TGFBRAP1: variants seen among roughly 807,000 people sequenced by gnomAD.
TGFBRAP1 encodes the protein transforming growth factor beta receptor associated protein 1.
A neutral mutation model predicts 83.2 loss-of-function variants in TGFBRAP1; 20 were observed. The observed-to-expected ratio is 0.24, with a 90% CI of 0.17 to 0.35. The LOEUF (loss-of-function observed/expected upper bound fraction) is 0.35, where lower values mean the gene tolerates loss of function less well. Among genes scored for constraint, TGFBRAP1 ranks in the 10% least tolerant of loss-of-function variants. TGFBRAP1 has a pLI of 1.00. For synonymous variants in TGFBRAP1, 415 were observed against 459.8 expected, an observed-to-expected ratio of 0.90 and a Z score of 1.25; for missense variants, 950 against 1,099.4, an observed-to-expected ratio of 0.86 and a Z score of 1.92.
At chr2:105,303,555 T>C (rs929354730) in intron 2 of TGFBRAP1, among the ~76,000 whole-genome samples, 1 of 152,198 alleles carries the variant, frequency 6.6e-6, no homozygotes, top group African/African-American at 2.4e-5. Flanking sequence ...GCACATCACA[T>C]ACATTTGCGT....
At chr2:105,261,571 G>C (rs561123108), downstream of TGFBRAP1, among the ~76,000 whole-genome samples, 1 of 152,120 alleles carries the variant, frequency 6.6e-6, no homozygotes, top group East Asian at 1.9e-4. Context: ...GGCCAACATA[G>C]TGAAACCCTA....
At chr2:105,275,964 C>T (rs1291792559) in intron 7 of TGFBRAP1, among the ~76,000 whole-genome samples, 2 of 151,284 alleles carry the variant, frequency 1.3e-5, no homozygotes, top group Non-Finnish European at 2.9e-5. Flanking sequence ...TTAACAATAA[C>T]ACAGTAAACA....
At chr2:105,277,809 T>C in intron 6 of TGFBRAP1, 138 bp from the exon 7 acceptor site, 1 of 841,010 alleles carries the variant, frequency 1.2e-6, no homozygotes, top group Non-Finnish European at 2.0e-6. Context: ...ATCCCAACAC[T>C]TTGGAAGGCC....
chr2:105,312,322 A>C (rs1678722928), intron 1 of TGFBRAP1, among the ~76,000 whole-genome samples: 1 of 152,154 alleles, frequency 6.6e-6, no homozygotes, highest in African/African-American at 2.4e-5. Context: ...AAGAATATTA[A>C]ATTTAAAAAA....
In TGFBRAP1 at chr2:105,267,165, GTT is replaced by G. The variant is rs1676968131; in HGVS notation, c.*216_*217del. On this transcript the variant is annotated 3_prime_UTR_variant, in exon 12 of 12. Coordinates refer to ENST00000393359, the MANE Select transcript of TGFBRAP1 (RefSeq NM_004257.6). ...GTTTCTGTTTTGGGGATTTTTAGGG[GTT>G]TTCCATGTACATTCATAGAGCCTGG... 14 of 505,058 alleles carry G rather than the reference GTT, an allele frequency of 2.8e-5. No individual in the cohort carries two copies. The South Asian group carries it at 4.9e-4, about 17-fold the overall frequency. The allele number at this position is 505,058 out of a possible 1,614,324, so 31.3% of individuals were successfully genotyped here.
At chr2:105,252,751 CTT>C in the TGFBRAP1 span, among the ~76,000 whole-genome samples, 3 of 113,310 alleles carry the variant, frequency 2.6e-5, no homozygotes, top group African/African-American at 3.5e-5. Flanking sequence ...ATATTAACAT[CTT>C]TTTTTTTTTT....
intron 1 of TGFBRAP1, among the ~76,000 whole-genome samples, chr2:105,316,442 T>C (rs1678860132): frequency 1.3e-5 from 1 of 74,372 alleles, no homozygotes; most frequent in Admixed American, 1.5e-4. Flanking sequence ...TGTGTGTGTG[T>C]GTGTGTGTGT....
Position 105,269,574 on chromosome 2 carries a change from A to G in TGFBRAP1, c.2104T>C (p.Trp702Arg). 1 of 1,611,740 alleles carries G rather than the reference A, an allele frequency of 6.2e-7. No individual in the cohort carries two copies. Among genetic ancestry groups the G allele is most frequent in the Non-Finnish European group, 8.5e-7 (1 of 1,178,820 alleles). The change falls in exon 11 of 12, where the codon TGG becomes CGG. Residue 702 changes from tryptophan to arginine, a missense_variant. Coordinates refer to ENST00000393359, the MANE Select transcript of TGFBRAP1 (RefSeq NM_004257.6). The surrounding 1 kb of genome is among the most constrained non-coding windows in gnomAD (Gnocchi z 4.1). ...DFAAAEDYCL[W>R]CSEGRDPPHR... ...GGTGGGTCTCGGCCCTCGGAGCACC[A>G]CAGGCAGTAGTCCTCGGCCGCTGCA... is the stretch of plus-strand genomic sequence containing the variant.
chr2:105,272,866 T>G lies in TGFBRAP1; in HGVS notation c.1961A>C (p.His654Pro), dbSNP rs367603583. The G allele has an allele frequency of 3.1e-6, 5 of 1,606,850 alleles. No individual in the cohort carries two copies. The highest frequency in any genetic ancestry group is 2.7e-5 in the African/African-American group (2 of 74,428). ...LLQKSDLYRV[H>P]FLLERLQGAG... is the part of the protein sequence containing the mutation. ...GAGATCATCCTCACCGAGAAGAAAGTGGACTCGGTATAAATCAGATTTCTG... is the reference window on the plus strand; with the variant it reads ...GAGATCATCCTCACCGAGAAGAAAGGGGACTCGGTATAAATCAGATTTCTG... Residue 654 changes from histidine to proline, a missense_variant, in exon 10 of 12, where the codon CAC becomes CCC. Transcript: ENST00000393359.
In TGFBRAP1 at chr2:105,267,557, C is replaced by T. The variant is rs760670024; in HGVS notation, c.2409G>A (p.Met803Ile). ...GTTGGATTGAGCTTCCTTTCAACTT[C>T]ATCTGCAAGAAGAAACCAAGACTGA... Reference protein sequence around the residue: ...SENLIYTYDKMKLKGSSIQLS... With the variant: ...SENLIYTYDKIKLKGSSIQLS... Residue 803 changes from methionine to isoleucine, a missense_variant and splice_region_variant, in exon 12 of 12, where the codon ATG (methionine) becomes ATA (isoleucine). Coordinates refer to ENST00000393359, the MANE Select transcript of TGFBRAP1 (RefSeq NM_004257.6). 6 of 1,614,058 alleles carry T rather than the reference C, an allele frequency of 3.7e-6. No homozygotes were observed. The Admixed American group carries it at 5.0e-5, about 13-fold the overall frequency.
chr2:105,315,090 A>G (rs1678813418), intron 1 of TGFBRAP1, among the ~76,000 whole-genome samples: 1 of 152,150 alleles, frequency 6.6e-6, no homozygotes, highest in Non-Finnish European at 1.5e-5. Flanking sequence ...TTAAAAACCA[A>G]AGTAGTTTGT....
downstream of TGFBRAP1, among the ~76,000 whole-genome samples, chr2:105,260,129 C>T (rs2104288032): frequency 6.6e-6 from 1 of 152,222 alleles, no homozygotes; most frequent in Admixed American, 6.5e-5. Context: ...AAATTCATGG[C>T]TGGGCATGGT....
intron 1 of TGFBRAP1, among the ~76,000 whole-genome samples, chr2:105,320,703 TA>T (rs2104417525): frequency 6.6e-6 from 1 of 152,358 alleles, no homozygotes; most frequent in South Asian, 2.1e-4. Context: ...TATTGTTCCA[TA>T]ATATCAGTCT....
In TGFBRAP1 at chr2:105,280,394, T is replaced by C; in HGVS notation, c.1451A>G (p.Glu484Gly). 6.2e-7 allele frequency: 1 copy of C among 1,613,564 alleles called. No homozygotes were observed. Among genetic ancestry groups the C allele is most frequent in the Non-Finnish European group, 8.5e-7 (1 of 1,179,790 alleles). Residue 484 changes from glutamate to glycine, a missense_variant, in exon 6 of 12, where the codon GAG (glutamate) becomes GGG (glycine). Glu to Gly is a moderately conservative substitution (Grantham distance 98). Transcript: ENST00000393359. Reference protein sequence around the residue: ...CLLTDSAAWLEKHKKYFALGL... With the variant: ...CLLTDSAAWLGKHKKYFALGL... ...AGGGAACACTCACTTTTTGTGCTTCTCTAGCCAGGCAGCACTGTCCGTCAG... is the reference window on the plus strand; with the variant it reads ...AGGGAACACTCACTTTTTGTGCTTCCCTAGCCAGGCAGCACTGTCCGTCAG...
chr2:105,299,782 G>A (rs948651477), intron 2 of TGFBRAP1, among the ~76,000 whole-genome samples: 23 of 151,922 alleles, frequency 1.5e-4, no homozygotes, highest in African/African-American at 5.3e-4. Flanking sequence ...AGGCATCCAC[G>A]CAAAAAGCAA....
chr2:105,304,928 G>A (rs1415350425), intron 2 of TGFBRAP1, among the ~76,000 whole-genome samples: 4 of 152,208 alleles, frequency 2.6e-5, no homozygotes, highest in African/African-American at 9.6e-5. Context: ...GGTTGCTGGG[G>A]CTTAGGGGAA....
rs767692666 is a variant in TGFBRAP1 at position 105,269,613 on chromosome 2, C to T, written c.2065G>A (p.Glu689Lys). 1.2e-6 allele frequency: 2 copies of T among 1,607,802 alleles called. No homozygotes were observed. The highest frequency in any genetic ancestry group is 1.7e-6 in the Non-Finnish European group (2 of 1,176,128). ...HEKALHILVHELQDFAAAEDY... is the reference protein window; with the variant it reads ...HEKALHILVHKLQDFAAAEDY... Reference sequence around the variant, plus strand: ...TCGGCCGCTGCAAAGTCCTGCAGCTCGTGCACCAGGATATGCAGCGCCTTC... The same window carrying T: ...TCGGCCGCTGCAAAGTCCTGCAGCTTGTGCACCAGGATATGCAGCGCCTTC... The change falls in exon 11 of 12, where the codon GAG becomes AAG. Residue 689 changes from glutamate to lysine, a missense_variant. By Grantham distance (56) the Glu-to-Lys change is moderately conservative (BLOSUM62 1). Transcript: ENST00000393359. This position sits in a 1 kb window ranked among gnomAD's most constrained non-coding sequence, Gnocchi z 4.1.
the TGFBRAP1 span, among the ~76,000 whole-genome samples, chr2:105,251,193 T>A: frequency 6.1e-5 from 7 of 114,156 alleles, no homozygotes; most frequent in South Asian, 3.2e-4. Context: ...GGCCGCCCCG[T>A]CTGGGAAGTG....
Position 105,265,486 on chromosome 2 carries a change from A to C in TGFBRAP1, c.*1897T>G, listed in dbSNP as rs1676897866. 6.6e-6 allele frequency: 1 copy of C among 152,626 alleles called. No homozygotes were observed. The highest frequency in any genetic ancestry group is 2.4e-5 in the African/African-American group (1 of 41,454). The allele number at this position is 152,626 out of a possible 1,614,324, so 9.5% of individuals were successfully genotyped here. A position where few individuals can be genotyped will look rare whatever the true frequency, so the allele number is the denominator to read the frequency against. ...TCTGTCTGTGTGTTAGGAATGAGAA[A>C]TTACTAAGTTTTTTCAAGATTTTAC... On this transcript the variant is annotated 3_prime_UTR_variant, in exon 12 of 12. Coordinates refer to ENST00000393359, the MANE Select transcript of TGFBRAP1 (RefSeq NM_004257.6).
Sources: allele counts gnomAD v4.1 joint callset (sites outside exome capture counted in the v4.1 genomes callset), GRCh38; gene constraint gnomAD v4.1.1; non-coding constraint Gnocchi (gnomAD v3.1); transcripts MANE v1.5; gene names NCBI Gene and HGNC (gene_info 2026-07-23, HGNC 2026-07-21).